Variants in DHX57 observed in about 807,000 individuals in gnomAD.
DHX57 encodes the protein putative ATP-dependent RNA helicase DHX57.
A neutral mutation model predicts 156.2 loss-of-function variants in DHX57; 105 were observed. The observed-to-expected ratio is 0.67, with a 90% CI of 0.57 to 0.79. DHX57 has a LOEUF of 0.79. Among genes scored for constraint, DHX57 ranks in the 30% least tolerant of loss-of-function variants. The pLI is 0.00. For synonymous variants in DHX57, 704 were observed against 595.6 expected (o/e 1.18, Z -2.65); for missense variants, 1,847 against 1,661.9 (o/e 1.11, Z -1.94).
chr2:38,862,489 T>A, intron 3 of DHX57, 156 bp from the exon 4 acceptor site: 1 of 699,362 alleles, frequency 1.4e-6, no homozygotes, highest in Non-Finnish European at 2.1e-6. Context: ...ATCTTGGCAA[T>A]TAACATTTAC....
rs1290190648 is a variant in DHX57, at chr2:38,825,984, T to C, written c.2877A>G (p.Leu959=). 1.9e-6 allele frequency: 3 copies of C among 1,614,094 alleles called. No homozygotes were observed. Among genetic ancestry groups the C allele is most frequent in the East Asian group, 2.2e-5 (1 of 44,900 alleles). ...CACGGCCTGCTCGGCCTTTCCTTTGTAGAGCATTAGCTTGAGATACAAAGG... is the reference window on the plus strand; with the variant it reads ...CACGGCCTGCTCGGCCTTTCCTTTGCAGAGCATTAGCTTGAGATACAAAGG... ...EDTFVSQANA[L]QRKGRAGRVA... Residue 959 remains leucine (L), a synonymous_variant, in exon 16 of 24, where the codon CTA becomes CTG. Transcript: ENST00000457308.
intron 19 of DHX57, chr2:38,815,887 A>G: frequency 1.8e-6 from 1 of 555,302 alleles, no homozygotes; most frequent in Admixed American, 3.1e-5. Flanking sequence ...CAAAAATTCA[A>G]TAAATCCAAG....
chr2:38,825,726 G>T (rs1463543795), intron 16 of DHX57, 121 bp downstream of exon 16: 2 of 944,576 alleles, frequency 2.1e-6, no homozygotes, highest in Non-Finnish European at 3.2e-6. Context: ...ACAAATAAAT[G>T]AGATTATTGG....
chr2:38,856,503 CTTTTTTTTT>C lies in DHX57; in HGVS notation c.1588-51_1588-43del, dbSNP rs372510406. The C allele has an allele frequency of 2.6e-5, 36 of 1,392,168 alleles. No individual in the cohort carries two copies. The South Asian group carries it at 4.4e-4, about 17-fold the overall frequency. 86.2% of individuals were successfully genotyped at this position (1,392,168 alleles called of 1,614,324 possible). A position where few individuals can be genotyped will look rare whatever the true frequency, so the allele number is the denominator to read the frequency against. On this transcript the variant is annotated intron_variant, in intron 6 of 23. Transcript: ENST00000457308. ...TAAGATATCAGTTGGGTTACTTTTTCTTTTTTTTTTTTTTTTTTTGAGACAGGGTCTCAC... is the reference window on the plus strand; with the variant it reads ...TAAGATATCAGTTGGGTTACTTTTTCTTTTTTTTTTGAGACAGGGTCTCAC...
In DHX57 at chr2:38,802,724, A is replaced by G; in HGVS notation, c.4008T>C (p.Ala1336=). The G allele has an allele frequency of 6.2e-7, 1 of 1,614,114 alleles. No homozygotes were observed. Among genetic ancestry groups the G allele is most frequent in the Non-Finnish European group, 8.5e-7 (1 of 1,180,020 alleles). Residue 1336 remains alanine, a synonymous_variant, in exon 23 of 24, where the codon GCT becomes GCC. Transcript: ENST00000457308. Reference sequence around the variant, plus strand: ...CCAATTCTGCCTTTACCTGATGGGAAGCAGCTACAAAACGGATCCAACCAT... The same window carrying G: ...CCAATTCTGCCTTTACCTGATGGGAGGCAGCTACAAAACGGATCCAACCAT... The part of the protein sequence containing the change: ...LDDGWIRFVA[A]SHQVAELVKE...
chr2:38,856,610 C>A lies in DHX57; in HGVS notation c.1588-149G>T, dbSNP rs1204710934. 5 of 1,002,808 alleles carry A rather than the reference C, an allele frequency of 5.0e-6. No homozygotes were observed. In the East Asian group the frequency reaches 1.5e-4, roughly 31 times the overall value. The allele number at this position is 1,002,808 out of a possible 1,614,324, so 62.1% of individuals were successfully genotyped here. ...TCTGCACTTCCCAGGCTCTAGCGAT[C>A]CTCCCGCCTCAAGCTCCCAAGTAGC... On this transcript the variant is annotated intron_variant, in intron 6 of 23. Transcript: ENST00000457308.
At chr2:38,854,940 TA>T in intron 8 of DHX57, 116 bp downstream of exon 8, 1 of 943,412 alleles carries the variant, frequency 1.1e-6, no homozygotes, top group South Asian at 1.5e-5. Context: ...ATCATTAATT[TA>T]AAAATAACCT....
At chr2:38,808,759 T>C (rs940409756) in intron 21 of DHX57, among the ~76,000 whole-genome samples, 4 of 152,200 alleles carry the variant, frequency 2.6e-5, no homozygotes, top group African/African-American at 2.4e-5. Context: ...ATTTATTTAT[T>C]TGCATTATTA....
intron 20 of DHX57, among the ~76,000 whole-genome samples, chr2:38,814,201 G>A (rs1242442466): frequency 2.0e-5 from 3 of 152,200 alleles, no homozygotes; most frequent in Admixed American, 6.5e-5. Flanking sequence ...GCCTCTCAAA[G>A]TACTGAGATT....
chr2:38,823,201 G>A lies in DHX57; in HGVS notation c.3083C>T (p.Pro1028Leu). 6.2e-7 allele frequency: 1 copy of A among 1,614,150 alleles called. No homozygotes were observed. The highest frequency in any genetic ancestry group is 8.5e-7 in the Non-Finnish European group (1 of 1,180,022). The stretch of plus-strand genomic sequence containing the variant: ...TGAGGCACGAAGAGAATCGGTGTGT[G>A]GAGGTTCAATGAGCCGAGAGAACAC... ...QSVFSRLIEP[P>L]HTDSLRASKI... is the part of the protein sequence containing the mutation. Residue 1028 changes from proline to leucine, a missense_variant, in exon 17 of 24, where the codon CCA becomes CTA. Coordinates refer to ENST00000457308, the MANE Select transcript of DHX57 (RefSeq NM_198963.3).
intron 9 of DHX57, chr2:38,853,059 C>T (rs915736186): frequency 1.1e-5 from 2 of 176,264 alleles, no homozygotes; most frequent in African/African-American, 4.8e-5. Flanking sequence ...CTTTTCTTTT[C>T]TTTTCTTTTC....
At chr2:38,818,470 G>A (rs1670653987) in intron 19 of DHX57, among the ~76,000 whole-genome samples, 3 of 152,192 alleles carry the variant, frequency 2.0e-5, no homozygotes, top group African/African-American at 7.2e-5. Flanking sequence ...GAGGATGCAA[G>A]TGAGCCGAGA....
chr2:38,858,601 C>T lies in DHX57; in HGVS notation c.1587+60G>A. 3 of 1,533,698 alleles carry T rather than the reference C, an allele frequency of 2.0e-6. No homozygotes were observed. In the South Asian group the frequency reaches 3.9e-5, roughly 20 times the overall value. ...GAGGGTAGCCAAAGCTCCCTAATTC[C>T]TAATCCCATCATCCAGATATTAGGG... On this transcript the variant is annotated intron_variant, in intron 6 of 23. Coordinates refer to ENST00000457308, the MANE Select transcript of DHX57 (RefSeq NM_198963.3).
At chr2:38,853,750 C>A in intron 9 of DHX57, 1 of 170,892 alleles carries the variant, frequency 5.9e-6, no homozygotes, top group South Asian at 1.7e-4. Context: ...CCACAGCATG[C>A]ATGACATCTG....
In DHX57 at chr2:38,865,220, A is replaced by G. The variant is rs140319738; in HGVS notation, c.225-1701T>C. ...GGCTGCAAGTCAAATCTCATCTTCA[A>G]TTGAAGTTCCCATAATCCCCACATG... On this transcript the variant is annotated intron_variant, in intron 2 of 23. Coordinates refer to ENST00000457308, the MANE Select transcript of DHX57 (RefSeq NM_198963.3). 2.5e-3 allele frequency among the ~76,000 whole-genome samples: 388 copies of G among 152,284 alleles called. 1 individual carries two copies. The highest frequency in any genetic ancestry group is 0.01 in the Middle Eastern group (3 of 294).
At chr2:38,838,762 G>A (rs1225581674) in intron 12 of DHX57, 1 of 455,752 alleles carries the variant, frequency 2.2e-6, no homozygotes, top group Non-Finnish European at 4.4e-6. Context: ...AATGATAAGT[G>A]GTTGATCTTC....
chr2:38,818,032 C>T (rs1475714535), intron 19 of DHX57, among the ~76,000 whole-genome samples: 2 of 152,004 alleles, frequency 1.3e-5, no homozygotes, highest in Non-Finnish European at 2.9e-5. Context: ...ATAGTAGGTT[C>T]TGATAGATGT....
intron 13 of DHX57, among the ~76,000 whole-genome samples, chr2:38,832,981 CTTTT>C (rs773309488): frequency 4.0e-5 from 4 of 99,592 alleles, no homozygotes; most frequent in African/African-American, 1.1e-4. Context: ...AATGTCTATT[CTTTT>C]TTTTTTTTTT....
At chr2:38,822,163 A>G (rs761557990) in intron 17 of DHX57, among the ~76,000 whole-genome samples, 37 of 151,924 alleles carry the variant, frequency 2.4e-4, no homozygotes, top group Non-Finnish European at 3.7e-4. Flanking sequence ...GCTCATTGCA[A>G]CCTCTGCCTC....
Sources: allele counts gnomAD v4.1 joint callset (sites outside exome capture counted in the v4.1 genomes callset), GRCh38; gene constraint gnomAD v4.1.1; transcripts MANE v1.5; gene names NCBI Gene and HGNC (gene_info 2026-07-23, HGNC 2026-07-21).